The following CACHD1 variants were observed in gnomAD, a reference collection of about 807,000 sequenced individuals.
CACHD1 encodes the protein VWFA and cache domain-containing protein 1.
Under a neutral mutation model 138.7 loss-of-function variants are expected in CACHD1, and 71 were observed. The observed-to-expected ratio is 0.51, with a 90% CI of 0.42 to 0.62. The LOEUF is 0.62. Among genes scored for constraint, CACHD1 ranks in the 20% least tolerant of loss-of-function variants. The probability of loss-of-function intolerance (pLI) is 0.00; values close to 1 mark genes in which losing one functional copy is unlikely to be tolerated. For missense variants in CACHD1, 1,389 were observed against 1,625.3 expected (o/e 0.85, Z 2.50); for synonymous variants, 578 against 591.5 (o/e 0.98, Z 0.33).
At chr1:64,616,264 C>T (rs1382705633) in intron 4 of CACHD1, among the ~76,000 whole-genome samples, 1 of 152,172 alleles carries the variant, frequency 6.6e-6, no homozygotes, top group Non-Finnish European at 1.5e-5. Flanking sequence ...CTGACTCCTT[C>T]CTGGCTCTCC....
In CACHD1 at chr1:64,641,842, C is replaced by T; in HGVS notation, c.1029C>T (p.Tyr343=). The change falls in exon 8 of 27, where the codon TAC becomes TAT. Residue 343 remains tyrosine (Y), a synonymous_variant. Transcript: ENST00000651257. ...FQANTDMVII[Y]LSAGITSKDS... is the part of the protein sequence containing the mutation. ...TAGATACAGACATGGTCATCATTTA[C>T]CTGTCAGCTGGCATTACATCAAAGG... The T allele has an allele frequency of 6.3e-7, 1 of 1,580,186 alleles. No homozygotes were observed. Among genetic ancestry groups the T allele is most frequent in the South Asian group, 1.2e-5 (1 of 84,630 alleles).
At chr1:64,471,022 C>G (rs1646140722) in intron 1 of CACHD1, 80 bp downstream of exon 1, 2 of 1,396,036 alleles carry the variant, frequency 1.4e-6, no homozygotes, top group Non-Finnish European at 1.9e-6. Flanking sequence ...TACAAGTCCC[C>G]TGGACTGTGT....
At chr1:64,550,861 T>C (rs1185344416) in intron 2 of CACHD1, among the ~76,000 whole-genome samples, 2 of 152,236 alleles carry the variant, frequency 1.3e-5, no homozygotes, top group Non-Finnish European at 2.9e-5. Flanking sequence ...TTTTCTGCTA[T>C]CCACGCTATA....
chr1:64,561,604 G>C (rs536045146), intron 2 of CACHD1, among the ~76,000 whole-genome samples: 1 of 152,140 alleles, frequency 6.6e-6, no homozygotes, highest in African/African-American at 2.4e-5. Flanking sequence ...CGTAATCCCA[G>C]CACTTTGAGA....
rs1329280957 is a variant in CACHD1, at chr1:64,675,560, C to T, written c.2887C>T (p.Arg963Ter). 21 of 1,604,708 alleles carry T rather than the reference C, an allele frequency of 1.3e-5. No homozygotes were observed. The highest frequency in any genetic ancestry group is 1.6e-5 in the Non-Finnish European group (19 of 1,172,168). Residue 963 changes from arginine (R) to a stop codon, truncating the protein, a stop_gained and splice_region_variant, in exon 20 of 27, where the codon CGA becomes TGA. Coordinates refer to ENST00000651257, the MANE Select transcript of CACHD1 (RefSeq NM_020925.4). LOFTEE classifies it high-confidence loss of function. ...MVDRLCLNCHRMEQNECECPC... is the reference protein window; with the variant it reads ...MVDRLCLNCH The stretch of plus-strand genomic sequence containing the variant: ...GGACCGACTCTGTCTCAACTGTCAC[C>T]GGTAAAAATGCAATGGGTCATATTC...
At chr1:64,625,042 C>T (rs1648047517) in intron 4 of CACHD1, among the ~76,000 whole-genome samples, 1 of 152,120 alleles carries the variant, frequency 6.6e-6, no homozygotes, top group Non-Finnish European at 1.5e-5. Context: ...ATGACAAAGA[C>T]CTTATGGTCT....
intron 4 of CACHD1, among the ~76,000 whole-genome samples, chr1:64,612,444 GT>G (rs1647569425): frequency 6.6e-6 from 1 of 152,080 alleles, no homozygotes; most frequent in South Asian, 2.1e-4. Flanking sequence ...ATTAATGTTG[GT>G]GGTTACTTAT....
intron 2 of CACHD1, among the ~76,000 whole-genome samples, chr1:64,572,062 T>C (rs1646931105): frequency 6.6e-6 from 1 of 152,184 alleles, no homozygotes; most frequent in Admixed American, 6.5e-5. Context: ...TTTCTACAGT[T>C]GAGTGTAGAA....
intron 4 of CACHD1, among the ~76,000 whole-genome samples, chr1:64,614,692 A>G (rs1647648714): frequency 6.6e-6 from 1 of 152,204 alleles, no homozygotes. Context: ...TGATTGGTAC[A>G]CTGACTTGTG....
intron 1 of CACHD1, among the ~76,000 whole-genome samples, chr1:64,483,659 C>T (rs545342074): frequency 1.7e-5 from 2 of 118,162 alleles, no homozygotes; most frequent in Non-Finnish European, 3.3e-5. Flanking sequence ...GTGTAGGCAA[C>T]ATGGTGAGAC....
chr1:64,641,238 C>T (rs1648703264), intron 7 of CACHD1, among the ~76,000 whole-genome samples: 1 of 135,942 alleles, frequency 7.4e-6, no homozygotes, highest in African/African-American at 2.8e-5. Context: ...TACCCAGACA[C>T]AGCTTGTAAG....
At chr1:64,609,497 A>T (rs1263956712) in intron 4 of CACHD1, among the ~76,000 whole-genome samples, 1 of 152,228 alleles carries the variant, frequency 6.6e-6, no homozygotes. Context: ...GAATTAAGGA[A>T]CTAAACAAAC....
At chr1:64,529,074 T>C (rs1646562062) in intron 1 of CACHD1, among the ~76,000 whole-genome samples, 1 of 152,152 alleles carries the variant, frequency 6.6e-6, no homozygotes, top group Admixed American at 6.6e-5. Flanking sequence ...CATGAATCTA[T>C]AGTCTGGTGT....
intron 3 of CACHD1, among the ~76,000 whole-genome samples, chr1:64,600,567 C>T (rs1201178605): frequency 1.3e-5 from 2 of 152,130 alleles, no homozygotes; most frequent in African/African-American, 4.8e-5. Flanking sequence ...TCATAAAAGA[C>T]CAGGTAATAT....
At chr1:64,497,118 G>A (rs1235554851) in intron 1 of CACHD1, among the ~76,000 whole-genome samples, 1 of 152,104 alleles carries the variant, frequency 6.6e-6, no homozygotes, top group Non-Finnish European at 1.5e-5. Flanking sequence ...TAGCTTTGCA[G>A]TAAAAAAAGA....
chr1:64,673,073 C>G (rs370034948), intron 17 of CACHD1, 85 bp from the exon 18 acceptor site: 9 of 1,118,468 alleles, frequency 8.0e-6, no homozygotes, highest in African/African-American at 1.6e-5. Flanking sequence ...TGTTTCAGGG[C>G]TAGCAAGATA....
At chr1:64,504,658 A>G (rs925685064) in intron 1 of CACHD1, among the ~76,000 whole-genome samples, 1 of 152,198 alleles carries the variant, frequency 6.6e-6, no homozygotes, top group African/African-American at 2.4e-5. Context: ...GAATAAATAA[A>G]TATATCTTCC....
intron 2 of CACHD1, among the ~76,000 whole-genome samples, chr1:64,576,392 G>A (rs1365431470): frequency 3.3e-5 from 5 of 151,842 alleles, no homozygotes; most frequent in African/African-American, 1.2e-4. Flanking sequence ...ATACATTCAG[G>A]ATTAACCTCT....
Position 64,673,345 on chromosome 1 carries a change from T to A in CACHD1, c.2611-3T>A. 1 of 1,614,004 alleles carries A rather than the reference T, an allele frequency of 6.2e-7. No homozygotes were observed. The highest frequency in any genetic ancestry group is 8.5e-7 in the Non-Finnish European group (1 of 1,179,888). Reference sequence around the variant, plus strand: ...TGTCTTCTGTTCTCTTTGGCCTTGGTAGGAGCCCCTGGTAGCAAATGATAT... The same window carrying A: ...TGTCTTCTGTTCTCTTTGGCCTTGGAAGGAGCCCCTGGTAGCAAATGATAT... On this transcript the variant is annotated splice_region_variant and splice_polypyrimidine_tract_variant and intron_variant, in intron 18 of 26. Coordinates refer to ENST00000651257, the MANE Select transcript of CACHD1 (RefSeq NM_020925.4).
Sources: allele counts gnomAD v4.1 joint callset (sites outside exome capture counted in the v4.1 genomes callset), GRCh38; gene constraint gnomAD v4.1.1; transcripts MANE v1.5; gene names NCBI Gene and HGNC (gene_info 2026-07-23, HGNC 2026-07-21).